The following DPP10 variants were observed in gnomAD, a reference collection of about 807,000 sequenced individuals.
DPP10 encodes dipeptidyl peptidase like 10.
Under a neutral mutation model 120.9 loss-of-function variants are expected in DPP10, and 33 were observed. That is an observed-to-expected ratio of 0.27 (90% CI 0.21 to 0.37). The LOEUF (loss-of-function observed/expected upper bound fraction) is 0.37, where lower values mean the gene tolerates loss of function less well. Ranked by LOEUF, DPP10 falls within the 10% of genes least tolerant of loss-of-function variation. The pLI, the probability that DPP10 is intolerant of heterozygous loss-of-function variation, is 1.00. For missense variants in DPP10, 816 were observed against 942.8 expected, an observed-to-expected ratio of 0.87 and a Z score of 1.76; for synonymous variants, 337 against 326.1, an observed-to-expected ratio of 1.03 and a Z score of -0.36.
intron 1 of DPP10, among the ~76,000 whole-genome samples, chr2:114,840,339 G>A (rs1244180661): frequency 6.6e-6 from 1 of 152,044 alleles, no homozygotes; most frequent in Non-Finnish European, 1.5e-5. Flanking sequence ...TCATCAAAGA[G>A]CTAAGCAAAT....
At chr2:115,031,577 G>A (rs1342222026) in intron 1 of DPP10, among the ~76,000 whole-genome samples, 1 of 152,054 alleles carries the variant, frequency 6.6e-6, no homozygotes, top group Non-Finnish European at 1.5e-5. Flanking sequence ...CAGCTTCACA[G>A]GTGTTTATTT....
intron 1 of DPP10, among the ~76,000 whole-genome samples, chr2:115,040,893 C>CAGAT (rs541256512): frequency 1.3e-5 from 2 of 152,032 alleles, no homozygotes; most frequent in South Asian, 4.2e-4. Flanking sequence ...CTGAGGCAGG[C>CAGAT]AGATGACTTG....
chr2:115,179,731 C>T (rs895156259), intron 1 of DPP10, among the ~76,000 whole-genome samples: 1 of 152,198 alleles, frequency 6.6e-6, no homozygotes, highest in South Asian at 2.1e-4. Context: ...TTATTCTAAA[C>T]TTGGCAAATT....
chr2:115,412,662 A>G (rs1305876010), intron 3 of DPP10, among the ~76,000 whole-genome samples: 1 of 152,154 alleles, frequency 6.6e-6, no homozygotes, highest in Non-Finnish European at 1.5e-5. Flanking sequence ...CACAGGACTA[A>G]GTTATTTCTG....
At chr2:114,493,747 C>T (rs1020473502) in intron 1 of DPP10, among the ~76,000 whole-genome samples, 18 of 152,024 alleles carry the variant, frequency 1.2e-4, no homozygotes, top group African/African-American at 2.4e-4. Context: ...GTGTAATAAT[C>T]GCTGAGAGGT....
At chr2:115,382,255 T>C (rs911356587) in intron 3 of DPP10, among the ~76,000 whole-genome samples, 14 of 152,150 alleles carry the variant, frequency 9.2e-5, no homozygotes, top group African/African-American at 3.4e-4. Flanking sequence ...GGATATAATC[T>C]CCTGGTGTGC....
chr2:115,347,430 G>A (rs1055062321), intron 3 of DPP10, among the ~76,000 whole-genome samples: 1 of 152,106 alleles, frequency 6.6e-6, no homozygotes, highest in Admixed American at 6.6e-5. Flanking sequence ...GCAGAGGAAG[G>A]TTAAAATATT....
chr2:115,330,520 A>C (rs201542959), intron 2 of DPP10, among the ~76,000 whole-genome samples: 119,097 of 151,356 alleles, frequency 0.79, 47,116 homozygotes, highest in Non-Finnish European at 0.83. Flanking sequence ...ATGCCTATGT[A>C]CTGAATGGTA....
intron 1 of DPP10, among the ~76,000 whole-genome samples, chr2:114,944,216 A>T (rs1465147757): frequency 1.3e-5 from 2 of 152,250 alleles, no homozygotes; most frequent in Non-Finnish European, 1.5e-5. Context: ...GATGTTGCAA[A>T]TAATGTAATT....
intron 1 of DPP10, among the ~76,000 whole-genome samples, chr2:115,214,617 T>A (rs189323579): frequency 5.3e-5 from 8 of 152,304 alleles, no homozygotes; most frequent in Non-Finnish European, 7.3e-5. Flanking sequence ...AACATGTGTT[T>A]GTCTCAAAGC....
chr2:114,548,367 T>C (rs892465862), intron 1 of DPP10, among the ~76,000 whole-genome samples: 29 of 152,160 alleles, frequency 1.9e-4, no homozygotes, highest in African/African-American at 6.5e-4. Flanking sequence ...TCAAAATTAG[T>C]AACACAGAGA....
intron 5 of DPP10, among the ~76,000 whole-genome samples, chr2:115,684,008 A>T (rs1225641089): frequency 1.3e-5 from 2 of 152,020 alleles, no homozygotes; most frequent in Admixed American, 1.3e-4. Flanking sequence ...AACCTGAAGG[A>T]TAGAAAATAT....
chr2:115,063,646 G>T (rs1419503815), intron 1 of DPP10, among the ~76,000 whole-genome samples: 1 of 152,102 alleles, frequency 6.6e-6, no homozygotes, highest in South Asian at 2.1e-4. Flanking sequence ...CCACAAATCT[G>T]ACAAAAACAA....
chr2:115,782,161 C>T (rs564132608), intron 16 of DPP10, among the ~76,000 whole-genome samples, 191 bp from the exon 17 acceptor site: 1 of 152,018 alleles, frequency 6.6e-6, no homozygotes, highest in East Asian at 1.9e-4. Context: ...TAGTTTCCTT[C>T]TCATATATTC....
intron 21 of DPP10, among the ~76,000 whole-genome samples, chr2:115,825,584 CT>C (rs957876311): frequency 3.3e-5 from 5 of 152,144 alleles, no homozygotes; most frequent in African/African-American, 1.2e-4. Flanking sequence ...GATATCCAAA[CT>C]TTATCCTTTT....
At chr2:115,773,027 A>G (rs1361290703) in intron 13 of DPP10, among the ~76,000 whole-genome samples, 1 of 152,154 alleles carries the variant, frequency 6.6e-6, no homozygotes, top group East Asian at 1.9e-4. Flanking sequence ...CACTACAAAT[A>G]CTGTGGAAAA....
chr2:115,434,677 G>T (rs566348487), intron 3 of DPP10, among the ~76,000 whole-genome samples: 28 of 151,770 alleles, frequency 1.8e-4, no homozygotes, highest in South Asian at 6.2e-4. Context: ...TCTTTTCTTG[G>T]TGTTGGGAAC....
intron 21 of DPP10, among the ~76,000 whole-genome samples, chr2:115,834,720 A>G (rs1415909519): frequency 6.6e-6 from 1 of 152,226 alleles, no homozygotes; most frequent in East Asian, 1.9e-4. Context: ...TGTGGAATAT[A>G]GAGAAGACAA....
At chr2:114,943,882 C>T (rs1697158459) in intron 1 of DPP10, among the ~76,000 whole-genome samples, 1 of 152,120 alleles carries the variant, frequency 6.6e-6, no homozygotes, top group African/African-American at 2.4e-5. Flanking sequence ...GAACAACTGC[C>T]TCACTGCAGT....
Sources: gnomAD v4.1 joint callset for allele counts (sites outside exome capture counted in the v4.1 genomes callset) on GRCh38, gnomAD v4.1.1 for gene constraint, MANE v1.5 for transcripts, NCBI Gene and HGNC (gene_info 2026-07-23, HGNC 2026-07-21) for gene names.